The following ABCC2 variants were observed in gnomAD, a reference collection of about 807,000 sequenced individuals.
The protein encoded by ABCC2 is ATP-binding cassette sub-family C member 2.
In ABCC2, 157 loss-of-function variants were observed where a neutral mutation model predicts 173.4. The observed-to-expected ratio is 0.91, with a 90% confidence interval of 0.80 to 1.03. The LOEUF is 1.03. Ranked by LOEUF, ABCC2 falls within the 50% of genes least tolerant of loss-of-function variation. ABCC2 has a pLI of 0.00. For synonymous variants in ABCC2, 657 were observed against 693.5 expected (o/e 0.95, Z 0.83); for missense variants, 1,822 against 1,852.3 (o/e 0.98, Z 0.30).
At chr10:99,845,364 C>T (rs1254369865) in intron 28 of ABCC2, among the ~76,000 whole-genome samples, 4 of 152,098 alleles carry the variant, frequency 2.6e-5, no homozygotes, top group Non-Finnish European at 4.4e-5. Flanking sequence ...TCTATAATTT[C>T]CAATAATAAT....
chr10:99,851,685 T>A lies in ABCC2; in HGVS notation c.*54T>A. The A allele has an allele frequency of 6.7e-7, 1 of 1,492,976 alleles. No homozygotes were observed. The highest frequency in any genetic ancestry group is 9.1e-7 in the Non-Finnish European group (1 of 1,096,262). The allele number at this position is 1,492,976 out of a possible 1,614,324, so 92.5% of individuals were successfully genotyped here. On this transcript the variant is annotated 3_prime_UTR_variant, in exon 32 of 32. Coordinates refer to ENST00000647814, the MANE Select transcript of ABCC2 (RefSeq NM_000392.5). ...TATAAGAATAATTTCTTATTTAATT[T>A]TATTTTTTATAAAATACAGAATACA...
chr10:99,846,239 T>C (rs2039015387), intron 29 of ABCC2, among the ~76,000 whole-genome samples: 1 of 152,236 alleles, frequency 6.6e-6, no homozygotes, highest in African/African-American at 2.4e-5. Context: ...TTCGGCTTCC[T>C]CTCTGGATCC....
At chr10:99,847,451 A>C (rs1204930986) in intron 30 of ABCC2, among the ~76,000 whole-genome samples, 1 of 151,714 alleles carries the variant, frequency 6.6e-6, no homozygotes, top group African/African-American at 2.4e-5. Context: ...AAAATACAAA[A>C]AGTAGCCTAG....
intron 19 of ABCC2, among the ~76,000 whole-genome samples, chr10:99,825,069 C>T (rs1459519887): frequency 6.3e-5 from 9 of 143,050 alleles, no homozygotes; most frequent in South Asian, 2.2e-4. Flanking sequence ...TCAACTGGAA[C>T]TTTAATGCCA....
At chr10:99,840,758 G>A (rs1370305332) in intron 25 of ABCC2, among the ~76,000 whole-genome samples, 2 of 152,264 alleles carry the variant, frequency 1.3e-5, no homozygotes, top group East Asian at 3.9e-4. Context: ...CTCATGATCC[G>A]CCCGCCTCAG....
At chr10:99,786,155 G>A (rs1292977438) in intron 2 of ABCC2, among the ~76,000 whole-genome samples, 2 of 152,120 alleles carry the variant, frequency 1.3e-5, no homozygotes, top group African/African-American at 2.4e-5. Context: ...GGGAATAGTG[G>A]TTGATTCAAG....
At chr10:99,819,985 G>C (rs937150492) in intron 19 of ABCC2, among the ~76,000 whole-genome samples, 8 of 152,328 alleles carry the variant, frequency 5.3e-5, no homozygotes, top group Admixed American at 5.2e-4. Context: ...GAGAAAGCCA[G>C]GGCAGAAGGC....
In ABCC2 at chr10:99,832,117, A is replaced by G. The variant is rs769794601; in HGVS notation, c.3244A>G (p.Asn1082Asp). Residue 1082 changes from asparagine to aspartate, a missense_variant, in exon 23 of 32, where the codon AAC (asparagine) becomes GAC (aspartate). By Grantham distance (23) the Asn-to-Asp change is conservative. Coordinates refer to ENST00000647814, the MANE Select transcript of ABCC2 (RefSeq NM_000392.5). ...FDTTPTGRIVNRFAGDISTVD... is the reference protein window; with the variant it reads ...FDTTPTGRIVDRFAGDISTVD... Reference sequence around the variant, plus strand: ...CACAACACCCACAGGCCGGATTGTGAACAGGTTTGCCGGCGTAAGTATCTC... The same window carrying G: ...CACAACACCCACAGGCCGGATTGTGGACAGGTTTGCCGGCGTAAGTATCTC... The G allele has an allele frequency of 6.2e-7, 1 of 1,614,198 alleles. No homozygotes were observed. Among genetic ancestry groups the G allele is most frequent in the East Asian group, 2.2e-5 (1 of 44,888 alleles).
intron 19 of ABCC2, among the ~76,000 whole-genome samples, chr10:99,823,162 G>A (rs1347377995): frequency 6.6e-6 from 1 of 152,160 alleles, no homozygotes; most frequent in Non-Finnish European, 1.5e-5. Context: ...GTGGGCAGGT[G>A]TAAGACTTGA....
At position 99,808,257 on chromosome 10, in the gene ABCC2, CCT is replaced by C. The variant is rs1209823078; in HGVS notation, c.1815+29_1815+30del. 2.5e-6 allele frequency: 4 copies of C among 1,613,296 alleles called. No individual in the cohort carries two copies. The Admixed American group carries it at 6.7e-5, about 27-fold the overall frequency. ...AGGTCGGCATTCTCACTGCTAACTC[CCT>C]GTCTCTGGTTAAAAGCCTTGGAGTC... On this transcript the variant is annotated intron_variant, in intron 13 of 31. Coordinates refer to ENST00000647814, the MANE Select transcript of ABCC2 (RefSeq NM_000392.5).
intron 25 of ABCC2, among the ~76,000 whole-genome samples, chr10:99,836,821 G>A (rs759583012): frequency 1.3e-5 from 2 of 152,144 alleles, no homozygotes; most frequent in Non-Finnish European, 2.9e-5. Context: ...TGAACAGGGT[G>A]AGCATTATTC....
At chr10:99,827,148 G>A (rs2038657763) in intron 19 of ABCC2, among the ~76,000 whole-genome samples, 1 of 152,234 alleles carries the variant, frequency 6.6e-6, no homozygotes, top group African/African-American at 2.4e-5. Flanking sequence ...ACTTTCTGGG[G>A]GTGGCCGATA....
intron 30 of ABCC2, among the ~76,000 whole-genome samples, chr10:99,849,261 G>A (rs1405288217): frequency 6.6e-6 from 1 of 152,184 alleles, no homozygotes; most frequent in African/African-American, 2.4e-5. Context: ...TGTGTGCCAG[G>A]TACTGAAAAT....
rs911797034 is a variant in ABCC2 at position 99,830,333 on chromosome 10, G to C, written c.2647G>C (p.Asp883His). ...CCATGATGGCAGTGAAGAAGAAGAC[G>C]ATGACTATGGGCTGATATCCAGTGT... is the stretch of plus-strand genomic sequence containing the variant. Reference protein sequence around the residue: ...TVHDGSEEEDDDYGLISSVEE... With the variant: ...TVHDGSEEEDHDYGLISSVEE... The change falls in exon 20 of 32, where the codon GAT (aspartate) becomes CAT (histidine). Residue 883 changes from aspartate (D) to histidine (H), a missense_variant. Coordinates refer to ENST00000647814, the MANE Select transcript of ABCC2 (RefSeq NM_000392.5). 6.2e-7 allele frequency: 1 copy of C among 1,614,142 alleles called. No individual in the cohort carries two copies. The highest frequency in any genetic ancestry group is 2.2e-5 in the East Asian group (1 of 44,882).
In ABCC2 at chr10:99,782,728, G is replaced by A. The variant is rs775858892; in HGVS notation, c.-117G>A. The A allele has an allele frequency of 8.3e-7, 1 of 1,202,124 alleles. No individual in the cohort carries two copies. Among genetic ancestry groups the A allele is most frequent in the African/African-American group, 1.5e-5 (1 of 67,116 alleles). 74.5% of individuals were successfully genotyped at this position (1,202,124 alleles called of 1,614,324 possible). On this transcript the variant is annotated 5_prime_UTR_variant, in exon 1 of 32. Coordinates refer to ENST00000647814, the MANE Select transcript of ABCC2 (RefSeq NM_000392.5). ...TTGGGATGAAAGGTCATCCTTTACG[G>A]AGAACATCAGAATGGTAGATAATTC... is the stretch of plus-strand genomic sequence containing the variant.
rs4148391 is a variant in ABCC2, at chr10:99,807,109, T to A, written c.1531-275T>A. ...CCCAGAACTTTTTAAGTCTTAAGAC[T>A]GGAAGGCCTGTGTCCTAGGCAGCCC... On this transcript the variant is annotated intron_variant, in intron 11 of 31. Transcript: ENST00000647814. 0.12 allele frequency among the ~76,000 whole-genome samples: 17,774 copies of A among 152,290 alleles called. 1,137 individuals are homozygous for A. The highest frequency in any genetic ancestry group is 0.21 in the South Asian group (1,024 of 4,820).
At chr10:99,809,491 C>T (rs1444046683) in intron 13 of ABCC2, among the ~76,000 whole-genome samples, 1 of 152,240 alleles carries the variant, frequency 6.6e-6, no homozygotes, top group African/African-American at 2.4e-5. Context: ...AAGGAGGGAA[C>T]AGGCAGAAAG....
chr10:99,849,090 G>A (rs1050100564), intron 30 of ABCC2, among the ~76,000 whole-genome samples: 3 of 152,182 alleles, frequency 2.0e-5, no homozygotes, highest in African/African-American at 7.2e-5. Flanking sequence ...GGGGCATGGT[G>A]GCACAGGCCT....
chr10:99,808,365 C>T, intron 13 of ABCC2, 136 bp downstream of exon 13: 1 of 1,208,954 alleles, frequency 8.3e-7, no homozygotes, highest in Non-Finnish European at 1.2e-6. Flanking sequence ...TCTCTGGAGA[C>T]CAATGGTTTG....
Sources: gnomAD v4.1 joint callset for allele counts (sites outside exome capture counted in the v4.1 genomes callset) on GRCh38, gnomAD v4.1.1 for gene constraint, MANE v1.5 for transcripts, NCBI Gene and HGNC (gene_info 2026-07-23, HGNC 2026-07-21) for gene names.